The following CERK variants were observed in gnomAD, a reference collection of about 807,000 sequenced individuals.
The protein encoded by CERK is ceramide kinase.
CERK carries 39 observed loss-of-function variants against 63.4 expected under a neutral mutation model. That is an observed-to-expected ratio of 0.61 (90% CI 0.48 to 0.80). The LOEUF is 0.80. Ranked by LOEUF, CERK falls within the 30% of genes least tolerant of loss-of-function variation. The probability of loss-of-function intolerance (pLI) is 0.00; values close to 1 mark genes in which losing one functional copy is unlikely to be tolerated. For synonymous variants in CERK, 302 were observed against 280.0 expected, an observed-to-expected ratio of 1.08 and a Z score of -0.78; for missense variants, 670 against 714.1, an observed-to-expected ratio of 0.94 and a Z score of 0.70.
intron 6 of CERK, among the ~76,000 whole-genome samples, chr22:46,706,424 A>G (rs2082813386): frequency 6.6e-6 from 1 of 152,106 alleles, no homozygotes; most frequent in Non-Finnish European, 1.5e-5. Context: ...GGATGTTGCT[A>G]TAATGCTTTG....
Position 46,691,590 on chromosome 22 carries a change from G to T in CERK, c.1314C>A (p.His438Gln), listed in dbSNP as rs780720946. ...CACTTACCTGGTCCTGCTGGTTGGT[G>T]TGCCTGATGAGAAATCTCAGAAAAT... The part of the protein sequence containing the change: ...RFNFLRFLIR[H>Q]TNQQDQFDFT... The change falls in exon 11 of 13, where the codon CAC (histidine) becomes CAA (glutamine). Residue 438 changes from histidine (H) to glutamine (Q), a missense_variant. Transcript: ENST00000216264. 6.2e-7 allele frequency: 1 copy of T among 1,613,872 alleles called. No individual in the cohort carries two copies. The highest frequency in any genetic ancestry group is 1.7e-5 in the Admixed American group (1 of 60,000).
chr22:46,737,827 G>A (rs1257211041), intron 1 of CERK, among the ~76,000 whole-genome samples, 180 bp downstream of exon 1: 1 of 151,996 alleles, frequency 6.6e-6, no homozygotes, highest in African/African-American at 2.4e-5. Flanking sequence ...CGCACAGCCC[G>A]GCCCCTGGCC....
At chr22:46,712,316 TAAC>T (rs757272875) in intron 3 of CERK, 23 bp from the exon 4 acceptor site, 6 of 1,609,184 alleles carry the variant, frequency 3.7e-6, no homozygotes, top group Non-Finnish European at 5.1e-6. Flanking sequence ...AACATGTAAA[TAAC>T]AACGAAAATA....
intron 3 of CERK, 150 bp downstream of exon 3, chr22:46,719,936 C>T (rs2082883865): frequency 9.5e-7 from 1 of 1,054,114 alleles, no homozygotes; most frequent in Non-Finnish European, 1.4e-6. Flanking sequence ...GGATGGTCTG[C>T]TCATGAGAAA....
At chr22:46,728,531 A>G (rs1008496885) in intron 1 of CERK, among the ~76,000 whole-genome samples, 2 of 152,128 alleles carry the variant, frequency 1.3e-5, no homozygotes, top group African/African-American at 4.8e-5. Flanking sequence ...TGAGGATCCC[A>G]TTGGGTGTGA....
In CERK at chr22:46,685,426, G is replaced by A. The variant is rs893959316; in HGVS notation, c.*1708C>T. The A allele has an allele frequency of 4.6e-5, 7 of 152,146 alleles. No individual in the cohort carries two copies. Among genetic ancestry groups the A allele is most frequent in the Admixed American group, 4.6e-4 (7 of 15,282 alleles). 9.4% of individuals were successfully genotyped at this position (152,146 alleles called of 1,614,324 possible). On this transcript the variant is annotated 3_prime_UTR_variant, in exon 13 of 13. Transcript: ENST00000216264. ...TAGAAGAACCTTTTGGGGAAACTTT[G>A]TGAGGAGCACAATTCCAGAGGGCCC...
intron 3 of CERK, among the ~76,000 whole-genome samples, chr22:46,715,987 A>T (rs563422611): frequency 1.3e-4 from 20 of 152,168 alleles, no homozygotes; most frequent in African/African-American, 4.8e-4. Context: ...GGAGTTTGAG[A>T]CCAGCCTGGG....
At chr22:46,690,983 GTGTATA>G (rs1287759561) in intron 11 of CERK, among the ~76,000 whole-genome samples, 5 of 150,594 alleles carry the variant, frequency 3.3e-5, no homozygotes, top group African/African-American at 7.5e-5. Context: ...GTATGTATGT[GTGTATA>G]TGTATGTATG....
intron 12 of CERK, among the ~76,000 whole-genome samples, chr22:46,689,005 T>C (rs2082716659): frequency 6.6e-6 from 1 of 152,262 alleles, no homozygotes; most frequent in Non-Finnish European, 1.5e-5. Context: ...CATCTGGTTA[T>C]GTGATACATC....
chr22:46,702,984 G>T (rs963081263), intron 6 of CERK, among the ~76,000 whole-genome samples: 1 of 152,140 alleles, frequency 6.6e-6, no homozygotes, highest in Admixed American at 6.5e-5. Flanking sequence ...TCCCGTTCAC[G>T]CGAGAAGGAC....
chr22:46,699,387 T>A lies in CERK; in HGVS notation c.869A>T (p.Tyr290Phe), dbSNP rs559968732. 4.3e-6 allele frequency: 7 copies of A among 1,614,090 alleles called. No individual in the cohort carries two copies. The African/African-American group carries it at 6.7e-5, about 15-fold the overall frequency. The change falls in exon 8 of 13, where the codon TAC becomes TTC. Residue 290 changes from tyrosine to phenylalanine, a missense_variant. Physicochemically the swap from Tyr to Phe is conservative, Grantham distance 22. Transcript: ENST00000216264. The part of the protein sequence containing the change: ...LLRYSVSLLG[Y>F]GFYGDIIKDS... ...CTTGATGATGTCCCCGTAGAAGCCG[T>A]AGCCCAGCAGGGACACGGAGTAGCG...
At chr22:46,695,832 C>T (rs966927765) in intron 8 of CERK, among the ~76,000 whole-genome samples, 6 of 152,014 alleles carry the variant, frequency 3.9e-5, no homozygotes, top group Non-Finnish European at 7.3e-5. Context: ...CAAACGTGTG[C>T]GCTGTCCACG....
chr22:46,703,527 A>G (rs1488161393), intron 6 of CERK, among the ~76,000 whole-genome samples: 3 of 152,074 alleles, frequency 2.0e-5, no homozygotes, highest in Non-Finnish European at 4.4e-5. Context: ...TTGTGCCCCC[A>G]GGCTGCTCCC....
chr22:46,713,347 A>C (rs1214357239), intron 3 of CERK, among the ~76,000 whole-genome samples: 2 of 151,562 alleles, frequency 1.3e-5, no homozygotes, highest in African/African-American at 2.4e-5. Context: ...TACTAAAAAA[A>C]AATACAAAAA....
At chr22:46,726,051 C>A (rs2146588715) in intron 1 of CERK, among the ~76,000 whole-genome samples, 1 of 152,262 alleles carries the variant, frequency 6.6e-6, no homozygotes, top group East Asian at 1.9e-4. Flanking sequence ...GGCCTCCCAT[C>A]CAGCAGGAGG....
At chr22:46,689,963 G>A (rs200787085) in intron 12 of CERK, 29 bp downstream of exon 12, 92 of 1,552,324 alleles carry the variant, frequency 5.9e-5, no homozygotes, top group Non-Finnish European at 7.4e-5. Flanking sequence ...AGGGGATGGC[G>A]CTGGTGGCTG....
chr22:46,738,091 G>A lies in CERK; in HGVS notation c.58C>T (p.Arg20Cys). The A allele has an allele frequency of 7.8e-7, 1 of 1,289,154 alleles. No individual in the cohort carries two copies. Among genetic ancestry groups the A allele is most frequent in the Non-Finnish European group, 9.9e-7 (1 of 1,010,742 alleles). 79.9% of individuals were successfully genotyped at this position (1,289,154 alleles called of 1,614,324 possible). The change falls in exon 1 of 13, where the codon CGC becomes TGC. Residue 20 changes from arginine to cysteine, a missense_variant. Transcript: ENST00000216264. ...GCGGGCTCCAGGCTCACGGCGCAGC[G>A]CTGCTGCTTCACCCACAGCACGGAT... Reference protein sequence around the residue: ...LQSVLWVKQQRCAVSLEPARA... With the variant: ...LQSVLWVKQQCCAVSLEPARA...
intron 1 of CERK, among the ~76,000 whole-genome samples, chr22:46,737,307 CAAA>C (rs956392105): frequency 4.4e-5 from 6 of 136,850 alleles, no homozygotes; most frequent in Non-Finnish European, 6.3e-5. Flanking sequence ...AAAAAAAAAA[CAAA>C]AAACAAACAA....
chr22:46,690,254 G>A, intron 11 of CERK, 54 bp from the exon 12 acceptor site: 3 of 1,513,104 alleles, frequency 2.0e-6, no homozygotes, highest in Non-Finnish European at 2.7e-6. Context: ...TCGTCTGGGT[G>A]GGGCAGCAGA....
Sources: allele counts gnomAD v4.1 joint callset (sites outside exome capture counted in the v4.1 genomes callset), GRCh38; gene constraint gnomAD v4.1.1; transcripts MANE v1.5; gene names NCBI Gene and HGNC (gene_info 2026-07-23, HGNC 2026-07-21).